Variants in BOP1 observed in about 807,000 individuals in gnomAD.
BOP1 encodes ribosome biogenesis protein BOP1.
Under a neutral mutation model 82.9 loss-of-function variants are expected in BOP1, and 54 were observed. That is an observed-to-expected ratio of 0.65 (90% CI 0.52 to 0.82). BOP1 has a LOEUF of 0.82. Among genes scored for constraint, BOP1 ranks in the 40% least tolerant of loss-of-function variants. The pLI is 0.00. For missense variants in BOP1, 1,170 were observed against 1,072.0 expected, an observed-to-expected ratio of 1.09 and a Z score of -1.28; for synonymous variants, 566 against 451.1, an observed-to-expected ratio of 1.25 and a Z score of -3.23.
chr8:144,266,914 C>T, intron 3 of BOP1: 9 of 1,549,990 alleles, frequency 5.8e-6, no homozygotes, highest in East Asian at 2.5e-5. Context: ...GCTGCGCACG[C>T]TGATCCCCAC....
intron 2 of BOP1, among the ~76,000 whole-genome samples, chr8:144,286,389 G>A (rs1343531996): frequency 4.0e-4 from 55 of 138,912 alleles, no homozygotes; most frequent in African/African-American, 9.3e-4. Flanking sequence ...ACGCGGGCAG[G>A]TGCATGGGCG....
At chr8:144,268,898 G>A (rs1363393586) in intron 3 of BOP1, among the ~76,000 whole-genome samples, 3 of 152,186 alleles carry the variant, frequency 2.0e-5, no homozygotes, top group Non-Finnish European at 4.4e-5. Context: ...TGAGGAGGGC[G>A]CTGCAGGTGG....
intron 3 of BOP1, chr8:144,268,333 G>A: frequency 1.3e-6 from 1 of 765,034 alleles, no homozygotes; most frequent in Non-Finnish European, 2.1e-6. Flanking sequence ...GCGGGACTCT[G>A]CGCTGGCCCC....
rs1041545491 is a variant in BOP1 at position 144,263,420 on chromosome 8, C to T, written c.1425-19G>A. On this transcript the variant is annotated intron_variant, in intron 11 of 15. Coordinates refer to ENST00000569669, the MANE Select transcript of BOP1 (RefSeq NM_015201.5). ...GTCCTCCCTGTGAGCCAGGCCCAGA[C>T]ACGGCCCCTAAGCACAGTGCCACCC... The T allele has an allele frequency of 3.1e-6, 5 of 1,597,806 alleles. No homozygotes were observed. The highest frequency in any genetic ancestry group is 1.3e-5 in the African/African-American group (1 of 75,012).
chr8:144,262,601 A>G lies in BOP1; in HGVS notation c.1966T>C (p.Tyr656His). 2.5e-6 allele frequency: 4 copies of G among 1,613,360 alleles called. No individual in the cohort carries two copies. Among genetic ancestry groups the G allele is most frequent in the Middle Eastern group, 1.7e-4 (1 of 6,056 alleles). Reference sequence around the variant, plus strand: ...AGCTTTCCTCACCTCAGCATCCTGTATGGCTTGGTGGAAAGATCCAGGTCA... The same window carrying G: ...AGCTTTCCTCACCTCAGCATCCTGTGTGGCTTGGTGGAAAGATCCAGGTCA... ...WFDLDLSTKPYRMLRHHKKAL... is the reference protein window; with the variant it reads ...WFDLDLSTKPHRMLRHHKKAL... The change falls in exon 14 of 16, where the codon TAC becomes CAC. Residue 656 changes from tyrosine (Y) to histidine (H), a missense_variant. Transcript: ENST00000569669.
chr8:144,271,553 C>T (rs751695602), intron 3 of BOP1, among the ~76,000 whole-genome samples: 37 of 152,310 alleles, frequency 2.4e-4, no homozygotes, highest in East Asian at 1.5e-3. Flanking sequence ...TCCTGTGCGA[C>T]GTGAGGCCGC....
chr8:144,267,205 AG>A, intron 3 of BOP1: 5 of 1,490,314 alleles, frequency 3.4e-6, no homozygotes, highest in Admixed American at 4.8e-5. Context: ...TGGGGCGCCG[AG>A]GGGGGCCTCC....
At chr8:144,268,851 C>G (rs2130218798) in intron 3 of BOP1, among the ~76,000 whole-genome samples, 1 of 152,224 alleles carries the variant, frequency 6.6e-6, no homozygotes, top group South Asian at 2.1e-4. Flanking sequence ...AGGGTGCCCC[C>G]GACTCGGGCC....
At chr8:144,271,455 CCT>C (rs1845491312) in intron 3 of BOP1, among the ~76,000 whole-genome samples, 1 of 152,112 alleles carries the variant, frequency 6.6e-6, no homozygotes, top group Non-Finnish European at 1.5e-5. Context: ...TTCCCCAGCC[CCT>C]CTCCGATTAC....
Position 144,267,015 on chromosome 8 carries a change from C to T in BOP1, c.391-1944G>A, listed in dbSNP as rs1260636336. On this transcript the variant is annotated intron_variant, in intron 3 of 15. Transcript: ENST00000569669. The stretch of plus-strand genomic sequence containing the variant: ...ACCTGGGCAACGTGCTGCTGGCGGG[C>T]GAGGCCTGCGGCGACGGACAGCCCT... The T allele has an allele frequency of 1.3e-5, 20 of 1,530,514 alleles. 1 individual carries two copies. Among genetic ancestry groups the T allele is most frequent in the Middle Eastern group, 4.4e-4 (2 of 4,528 alleles). 94.8% of individuals were successfully genotyped at this position (1,530,514 alleles called of 1,614,324 possible).
chr8:144,267,457 G>T (rs1033706168), intron 3 of BOP1, among the ~76,000 whole-genome samples: 42 of 152,376 alleles, frequency 2.8e-4, no homozygotes, highest in Admixed American at 4.6e-4. Flanking sequence ...CACCCAGGGC[G>T]GGGAGGCTGG....
chr8:144,287,129 C>T (rs1446085037), intron 2 of BOP1, among the ~76,000 whole-genome samples: 1 of 152,144 alleles, frequency 6.6e-6, no homozygotes, highest in East Asian at 1.9e-4. Flanking sequence ...AACGCCTCAG[C>T]CTCCCGAGTA....
At chr8:144,278,338 C>T (rs964946270) in intron 2 of BOP1, among the ~76,000 whole-genome samples, 1 of 152,204 alleles carries the variant, frequency 6.6e-6, no homozygotes, top group African/African-American at 2.4e-5. Context: ...GCTAGAATGT[C>T]ACCATGAGGA....
rs782418102 is a variant in BOP1, at chr8:144,263,199, A to AC, written c.1605+21dup. Reference sequence around the variant, plus strand: ...GCCGGGCCCCTCCCGCTGCAGCCTCACCCCCAAGGCGCCCCACGTACCTTC... The same window carrying AC: ...GCCGGGCCCCTCCCGCTGCAGCCTCACCCCCCAAGGCGCCCCACGTACCTTC... On this transcript the variant is annotated intron_variant, in intron 12 of 15. Transcript: ENST00000569669. 6.7e-5 allele frequency: 107 copies of AC among 1,593,124 alleles called. No individual in the cohort carries two copies. The African/African-American group carries it at 1.1e-3, about 17-fold the overall frequency.
chr8:144,271,690 G>T (rs1845495769), intron 3 of BOP1, among the ~76,000 whole-genome samples: 1 of 151,908 alleles, frequency 6.6e-6, no homozygotes, highest in Non-Finnish European at 1.5e-5. Context: ...CGGGGCCAGA[G>T]GGGAGAAAGC....
chr8:144,281,423 C>A (rs9987076), intron 2 of BOP1, among the ~76,000 whole-genome samples: 5 of 2,626 alleles, frequency 1.9e-3, no homozygotes, highest in Admixed American at 0.011. Context: ...CTCTCACTTT[C>A]ATACCAGGTC....
Position 144,289,338 on chromosome 8 carries a change from C to T in BOP1, c.100-34G>A, listed in dbSNP as rs115826650. ...AAACACTGGGTTGGTGACAACTGCC[C>T]CTCCAGGCATGGGGCACTGAACACT... On this transcript the variant is annotated intron_variant, in intron 1 of 15. Coordinates refer to ENST00000569669, the MANE Select transcript of BOP1 (RefSeq NM_015201.5). The T allele has an allele frequency of 3.0e-4, 488 of 1,603,856 alleles. 1 individual carries two copies. In the African/African-American group the frequency reaches 6.1e-3, roughly 20 times the overall value.
chr8:144,282,962 G>A (rs927872549), intron 2 of BOP1, among the ~76,000 whole-genome samples: 17 of 151,764 alleles, frequency 1.1e-4, no homozygotes, highest in African/African-American at 4.1e-4. Context: ...GCCAAGGCAG[G>A]TGGATTACCT....
chr8:144,265,503 C>T, intron 3 of BOP1: 2 of 209,732 alleles, frequency 9.5e-6, no homozygotes, highest in East Asian at 2.5e-4. Flanking sequence ...GAGGCAGAAG[C>T]CAAGACCTCT....
Sources: gnomAD v4.1 joint callset for allele counts (sites outside exome capture counted in the v4.1 genomes callset) on GRCh38, gnomAD v4.1.1 for gene constraint, MANE v1.5 for transcripts, NCBI Gene and HGNC (gene_info 2026-07-23, HGNC 2026-07-21) for gene names.